Variants in CD300C observed in about 807,000 individuals in gnomAD.
The protein encoded by CD300C is CD300c molecule.
A neutral mutation model predicts 18.4 loss-of-function variants in CD300C; 11 were observed. That is an observed-to-expected ratio of 0.60 (90% CI 0.38 to 0.99). The LOEUF is 0.99. CD300C is among the 50% of genes least tolerant of loss of function. The pLI is 0.01. For synonymous variants in CD300C, 116 were observed against 116.3 expected, an observed-to-expected ratio of 1.00 and a Z score of 0.02; for missense variants, 277 against 287.4, an observed-to-expected ratio of 0.96 and a Z score of 0.26.
At chr17:74,542,288 C>G (rs568162249) in intron 3 of CD300C, among the ~76,000 whole-genome samples, 1 of 152,118 alleles carries the variant, frequency 6.6e-6, no homozygotes, top group African/African-American at 2.4e-5. Flanking sequence ...GCCAGGGCTG[C>G]GAGAGAGGCA....
chr17:74,541,855 C>T, intron 3 of CD300C, 119 bp from the exon 4 acceptor site: 3 of 1,062,938 alleles, frequency 2.8e-6, no homozygotes, highest in East Asian at 2.6e-5. Context: ...ATAAGCACCC[C>T]CCTGGACAGT....
chr17:74,539,107 C>G (rs1301825943), downstream of CD300C, among the ~76,000 whole-genome samples: 1 of 152,196 alleles, frequency 6.6e-6, no homozygotes, highest in East Asian at 1.9e-4. Flanking sequence ...CCTTCTCATG[C>G]CTTAAGCATA....
downstream of CD300C, among the ~76,000 whole-genome samples, chr17:74,540,700 T>C (rs906570298): frequency 3.9e-5 from 6 of 152,110 alleles, no homozygotes; most frequent in African/African-American, 1.4e-4. Flanking sequence ...ACAGACATGG[T>C]CTACACTACT....
At chr17:74,544,584 G>A in intron 2 of CD300C, 25 bp downstream of exon 2, 1 of 1,594,890 alleles carries the variant, frequency 6.3e-7, no homozygotes, top group Non-Finnish European at 8.6e-7. Flanking sequence ...AGGCAGGCCT[G>A]GTGCTGAGAA....
In CD300C at chr17:74,542,100, A is replaced by G. The variant is rs551851001; in HGVS notation, c.528-364T>C. On this transcript the variant is annotated intron_variant, in intron 3 of 3. Coordinates refer to ENST00000330793, the MANE Select transcript of CD300C (RefSeq NM_006678.5). ...TTGTTTGGTGTCAACTCTCCTGTAC[A>G]CAGCGTTTCCAGGAGGGCAGGGACC... Among the ~76,000 whole-genome samples, 239 of 152,292 alleles carry G rather than the reference A, an allele frequency of 1.6e-3. 1 individual carries two copies. Among genetic ancestry groups the G allele is most frequent in the African/African-American group, 5.6e-3 (231 of 41,576 alleles).
chr17:74,543,337 A>C (rs1485660157), intron 2 of CD300C, among the ~76,000 whole-genome samples: 1 of 152,228 alleles, frequency 6.6e-6, no homozygotes, highest in Non-Finnish European at 1.5e-5. Flanking sequence ...AGTGACTGCG[A>C]AGCCAGGGCC....
the CD300C span, among the ~76,000 whole-genome samples, chr17:74,535,469 C>CAA: frequency 1.9e-4 from 15 of 80,246 alleles, no homozygotes; most frequent in South Asian, 1.3e-3. Flanking sequence ...AACTCTGTCT[C>CAA]AAAAAAAAAA....
At chr17:74,544,580 G>A in intron 2 of CD300C, 29 bp downstream of exon 2, 1 of 1,591,812 alleles carries the variant, frequency 6.3e-7, no homozygotes, top group South Asian at 1.1e-5. Flanking sequence ...GCTCAGGCAG[G>A]CCTGGTGCTG....
chr17:74,540,136 G>C (rs1908497668), downstream of CD300C, among the ~76,000 whole-genome samples: 1 of 152,162 alleles, frequency 6.6e-6, no homozygotes, highest in South Asian at 2.1e-4. Context: ...GTGTTTTCCA[G>C]ATCCAAGTCT....
chr17:74,542,005 G>A (rs542537202), intron 3 of CD300C, among the ~76,000 whole-genome samples: 10 of 152,152 alleles, frequency 6.6e-5, no homozygotes, highest in Non-Finnish European at 1.2e-4. Context: ...TGTCCAGGAC[G>A]CAGCTGTCTA....
downstream of CD300C, among the ~76,000 whole-genome samples, chr17:74,538,679 T>C (rs903229991): frequency 6.6e-6 from 1 of 152,170 alleles, no homozygotes; most frequent in African/African-American, 2.4e-5. Context: ...CCAAAGCCCT[T>C]TGTGTGCAGG....
chr17:74,542,305 A>G (rs1251801965), intron 3 of CD300C, among the ~76,000 whole-genome samples: 1 of 152,090 alleles, frequency 6.6e-6, no homozygotes, highest in African/African-American at 2.4e-5. Flanking sequence ...GGCAGGGGAG[A>G]GGACCAGGGC....
At chr17:74,535,121 T>A in the CD300C span, among the ~76,000 whole-genome samples, 8 of 152,290 alleles carry the variant, frequency 5.3e-5, no homozygotes, top group Middle Eastern at 6.8e-3. Flanking sequence ...TCAGTAAGGA[T>A]CAATTGTTTA....
At chr17:74,543,031 C>T (rs1598138737) in intron 2 of CD300C, 44 bp from the exon 3 acceptor site, 6 of 1,609,350 alleles carry the variant, frequency 3.7e-6, no homozygotes, top group African/African-American at 1.3e-5. Context: ...TCACATGGGT[C>T]TCCCACTTAC....
At chr17:74,542,467 A>G (rs1431059315) in intron 3 of CD300C, among the ~76,000 whole-genome samples, 1 of 152,154 alleles carries the variant, frequency 6.6e-6, no homozygotes. Context: ...CTCTGTGCTC[A>G]TGTCCTCTAA....
downstream of CD300C, among the ~76,000 whole-genome samples, chr17:74,538,046 A>G (rs2143126321): frequency 6.6e-6 from 1 of 152,332 alleles, no homozygotes. Context: ...ATGTTCTATT[A>G]CTTAAACTGG....
intron 1 of CD300C, among the ~76,000 whole-genome samples, chr17:74,545,384 CTG>C (rs377640235): frequency 2.6e-5 from 4 of 150,966 alleles, no homozygotes; most frequent in African/African-American, 4.9e-5. Flanking sequence ...GTGTGTGAGA[CTG>C]TGTGAGTGTG....
rs762352601 is a variant in CD300C, at chr17:74,542,864, G to A, written c.524C>T (p.Pro175Leu). Residue 175 changes from proline to leucine, a missense_variant, in exon 3 of 4, where the codon CCT (proline) becomes CTT (leucine). Physicochemically the swap from Pro to Leu is moderately conservative, Grantham distance 98. Transcript: ENST00000330793. ...RKDSPEPSPHPGSLFSNVRFL... is the reference protein window; with the variant it reads ...RKDSPEPSPHLGSLFSNVRFL... ...GTCCTATGCGCAGGCACCTTACCCA[G>A]GGTGTGGGCTGGGTTCGGGGCTGTC... The A allele has an allele frequency of 4.4e-6, 7 of 1,606,036 alleles. 1 individual carries two copies. The South Asian group carries it at 7.7e-5, about 18-fold the overall frequency.
In CD300C at chr17:74,544,790, C is replaced by G; in HGVS notation, c.219G>C (p.Gly73=). The stretch of plus-strand genomic sequence containing the variant: ...CTCGGCCATTCCTTTTCCCTGCTGA[C>G]CCTTTGGTCTCCACAATCTTGTCAC... ...LRCDKIVETK[G]SAGKRNGRVS... Residue 73 remains glycine (G), a synonymous_variant, in exon 2 of 4, where the codon GGG becomes GGC. Transcript: ENST00000330793. 1 of 1,614,232 alleles carries G rather than the reference C, an allele frequency of 6.2e-7. No homozygotes were observed. Among genetic ancestry groups the G allele is most frequent in the Non-Finnish European group, 8.5e-7 (1 of 1,180,044 alleles).
Sources: allele counts gnomAD v4.1 joint callset (sites outside exome capture counted in the v4.1 genomes callset), GRCh38; gene constraint gnomAD v4.1.1; transcripts MANE v1.5; gene names NCBI Gene and HGNC (gene_info 2026-07-23, HGNC 2026-07-21).